CLASP1: variants seen among roughly 807,000 people sequenced by gnomAD.
CLASP1 encodes cytoplasmic linker associated protein 1.
Under a neutral mutation model 192.3 loss-of-function variants are expected in CLASP1, and 38 were observed. The observed-to-expected ratio is 0.20, with a 90% CI of 0.15 to 0.26. The LOEUF is 0.26. Ranked by LOEUF, CLASP1 falls within the 10% of genes least tolerant of loss-of-function variation. The pLI, the probability that CLASP1 is intolerant of heterozygous loss-of-function variation, is 1.00. For synonymous variants in CLASP1, 691 were observed against 712.8 expected (o/e 0.97, Z 0.49); for missense variants, 1,433 against 1,932.5 (o/e 0.74, Z 4.85).
At chr2:121,365,563 C>T (rs2067241771) in intron 35 of CLASP1, among the ~76,000 whole-genome samples, 1 of 152,204 alleles carries the variant, frequency 6.6e-6, no homozygotes, top group African/African-American at 2.4e-5. Context: ...TATCTTTTCC[C>T]TTCTACTTCA....
intron 34 of CLASP1, among the ~76,000 whole-genome samples, chr2:121,370,178 G>A (rs2068317836): frequency 6.6e-6 from 1 of 152,062 alleles, no homozygotes; most frequent in Admixed American, 6.6e-5. Flanking sequence ...CCCTATATTG[G>A]GTTTCCTTGT....
exon 22 of CLASP1, chr2:121,425,246 C>A: frequency 6.2e-7 from 1 of 1,613,384 alleles, no homozygotes; most frequent in Middle Eastern, 1.6e-4. Flanking sequence ...TGAGGAGCCC[C>A]CAGTAAGTCC....
chr2:121,544,097 A>G (rs888261789), intron 2 of CLASP1, among the ~76,000 whole-genome samples: 1 of 152,212 alleles, frequency 6.6e-6, no homozygotes, highest in Non-Finnish European at 1.5e-5. Context: ...CAAGAACACT[A>G]AGTTTATAAT....
chr2:121,478,452 T>C (rs2091910763), intron 8 of CLASP1, among the ~76,000 whole-genome samples: 1 of 151,800 alleles, frequency 6.6e-6, no homozygotes, highest in South Asian at 2.1e-4. Flanking sequence ...AATACAAAAA[T>C]GAGCCCAGCG....
At chr2:121,515,973 A>AC (rs2094280562) in intron 6 of CLASP1, among the ~76,000 whole-genome samples, 1 of 152,032 alleles carries the variant, frequency 6.6e-6, no homozygotes, top group African/African-American at 2.4e-5. Context: ...AAACTGTGGG[A>AC]CCCCCATCCC....
intron 1 of CLASP1, among the ~76,000 whole-genome samples, chr2:121,608,482 A>G (rs1403208843): frequency 4.6e-5 from 7 of 152,182 alleles, no homozygotes; most frequent in Non-Finnish European, 8.8e-5. Context: ...GCCATGCTGT[A>G]AGGAAGCTGG....
At chr2:121,629,139 C>G (rs558870687) in intron 1 of CLASP1, among the ~76,000 whole-genome samples, 1 of 152,170 alleles carries the variant, frequency 6.6e-6, no homozygotes, top group Admixed American at 6.5e-5. Context: ...GCCTGTAATC[C>G]CAGCACTTTG....
At chr2:121,606,023 C>T (rs1348110959) in exon 2 of CLASP1, 3 of 739,450 alleles carry the variant, frequency 4.1e-6, no homozygotes, top group Non-Finnish European at 6.6e-6. Context: ...TTCAAAGATG[C>T]AATCTGGGGA....
chr2:121,341,097 C>T lies in CLASP1; in HGVS notation c.4531-150G>A, dbSNP rs982121421. 29 of 646,698 alleles carry T rather than the reference C, an allele frequency of 4.5e-5. No individual in the cohort carries two copies. The East Asian group carries it at 8.0e-4, about 18-fold the overall frequency. The allele number at this position is 646,698 out of a possible 1,614,324, so 40.1% of individuals were successfully genotyped here. ...TCATTATAAAAACATGTTCTGAGTG[C>T]CTGCTGCCCATCCAATGCATCTGCC... On this transcript the variant is annotated intron_variant, in intron 39 of 39. Transcript: ENST00000263710.
chr2:121,530,944 C>G (rs572917990), intron 2 of CLASP1: 3 of 700,280 alleles, frequency 4.3e-6, no homozygotes, highest in Non-Finnish European at 7.8e-6. Flanking sequence ...GTACTGCTAA[C>G]GCCTGAACAA....
At chr2:121,441,063 A>G (rs2083253583) in intron 19 of CLASP1, among the ~76,000 whole-genome samples, 1 of 152,148 alleles carries the variant, frequency 6.6e-6, no homozygotes, top group African/African-American at 2.4e-5. Flanking sequence ...CTTCTAGAAA[A>G]GACTCCAAAC....
At chr2:121,592,742 C>A (rs138491732) in intron 2 of CLASP1, among the ~76,000 whole-genome samples, 1 of 152,080 alleles carries the variant, frequency 6.6e-6, no homozygotes, top group African/African-American at 2.4e-5. Flanking sequence ...GGCTCTGCCC[C>A]CCAGGGTTCA....
chr2:121,438,379 C>T (rs1187088681), intron 19 of CLASP1, among the ~76,000 whole-genome samples: 1 of 152,170 alleles, frequency 6.6e-6, no homozygotes. Context: ...TCAAGACAGA[C>T]ATTATATCAA....
intron 2 of CLASP1, among the ~76,000 whole-genome samples, chr2:121,542,719 T>C (rs774680127): frequency 4.6e-5 from 7 of 152,206 alleles, no homozygotes; most frequent in Admixed American, 1.3e-4. Context: ...TCTGTTAAAA[T>C]ACGTTAATTA....
chr2:121,633,007 CAT>C (rs71398038), intron 1 of CLASP1, among the ~76,000 whole-genome samples: 2,286 of 115,166 alleles, frequency 0.02, 107 homozygotes, highest in African/African-American at 0.058. Flanking sequence ...TATGTGTGTG[CAT>C]ATATATATAT....
chr2:121,388,838 A>T (rs961903769), intron 30 of CLASP1, among the ~76,000 whole-genome samples: 1 of 152,196 alleles, frequency 6.6e-6, no homozygotes, highest in Non-Finnish European at 1.5e-5. Context: ...TTTCATTTTT[A>T]ACCATAAAGA....
chr2:121,343,095 G>A (rs1365794140), intron 39 of CLASP1, among the ~76,000 whole-genome samples: 2 of 152,088 alleles, frequency 1.3e-5, no homozygotes, highest in Non-Finnish European at 2.9e-5. Context: ...GTTTAATAGG[G>A]AAAGGATCAT....
chr2:121,589,166 G>A (rs1249927094), intron 2 of CLASP1, among the ~76,000 whole-genome samples: 1 of 152,130 alleles, frequency 6.6e-6, no homozygotes, highest in East Asian at 1.9e-4. Flanking sequence ...CAACCACCAC[G>A]CTGGCCAGTG....
At chr2:121,540,231 C>T (rs2095198864) in intron 2 of CLASP1, among the ~76,000 whole-genome samples, 1 of 152,148 alleles carries the variant, frequency 6.6e-6, no homozygotes, top group East Asian at 1.9e-4. Context: ...GGGTTTCATA[C>T]TAAGAGATGC....
Sources: allele counts gnomAD v4.1 joint callset (sites outside exome capture counted in the v4.1 genomes callset), GRCh38; gene constraint gnomAD v4.1.1; transcripts MANE v1.5; gene names NCBI Gene and HGNC (gene_info 2026-07-23, HGNC 2026-07-21).